SDK1: variants seen among roughly 807,000 people sequenced by gnomAD.
SDK1 encodes the protein sidekick cell adhesion molecule 1.
In SDK1, 157 loss-of-function variants were observed where a neutral mutation model predicts 245.5. The ratio of observed to expected loss-of-function variants is 0.64; its 90% confidence interval spans 0.56 to 0.73. The LOEUF (loss-of-function observed/expected upper bound fraction) is 0.73. SDK1 is among the 30% of genes least tolerant of loss of function. The probability of loss-of-function intolerance (pLI) is 0.00; values close to 1 mark genes in which losing one functional copy is unlikely to be tolerated. For missense variants in SDK1, 3,583 were observed against 3,002.3 expected, an observed-to-expected ratio of 1.19 and a Z score of -4.52; for synonymous variants, 1,647 against 1,278.5, an observed-to-expected ratio of 1.29 and a Z score of -6.15.
chr7:3,609,633 C>G (rs998487210), intron 1 of SDK1, among the ~76,000 whole-genome samples: 8 of 152,094 alleles, frequency 5.3e-5, no homozygotes, highest in Non-Finnish European at 8.8e-5. Flanking sequence ...ATTTCCTGAT[C>G]TTATGATCTG....
chr7:3,740,623 C>G (rs1779452009), intron 4 of SDK1, among the ~76,000 whole-genome samples: 1 of 152,148 alleles, frequency 6.6e-6, no homozygotes. Flanking sequence ...TTTTTCACAG[C>G]TCCTGTAGTT....
chr7:3,422,719 C>G (rs1241164895), intron 1 of SDK1, among the ~76,000 whole-genome samples: 3 of 152,110 alleles, frequency 2.0e-5, no homozygotes, highest in Non-Finnish European at 2.9e-5. Context: ...TCTGGCAACA[C>G]AGGAGTTGGG....
At chr7:3,328,468 A>G (rs573597800) in intron 1 of SDK1, among the ~76,000 whole-genome samples, 10 of 152,066 alleles carry the variant, frequency 6.6e-5, no homozygotes, top group South Asian at 2.1e-4. Context: ...GCAAGACCCA[A>G]ACTTCACACA....
intron 1 of SDK1, among the ~76,000 whole-genome samples, chr7:3,386,835 G>A (rs1781621446): frequency 6.6e-6 from 1 of 152,040 alleles, no homozygotes; most frequent in African/African-American, 2.4e-5. Flanking sequence ...CTTCTTCAAC[G>A]TTTTGGCCCA....
At chr7:3,443,139 C>G (rs73293159) in intron 1 of SDK1, among the ~76,000 whole-genome samples, 3,414 of 150,752 alleles carry the variant, frequency 0.023, 137 homozygotes, top group African/African-American at 0.08. Flanking sequence ...TAAGAGAGTT[C>G]AAGATATTTT....
chr7:3,471,554 A>T (rs1445240835), intron 1 of SDK1, among the ~76,000 whole-genome samples: 1 of 152,164 alleles, frequency 6.6e-6, no homozygotes, highest in Non-Finnish European at 1.5e-5. Context: ...TCGATTCTTC[A>T]CACCATTTAG....
chr7:3,566,989 C>G (rs944429528), intron 1 of SDK1, among the ~76,000 whole-genome samples: 1 of 152,126 alleles, frequency 6.6e-6, no homozygotes. Flanking sequence ...GGCACCTATA[C>G]TGGAGAACAG....
At chr7:3,848,370 C>T (rs1054567082) in intron 5 of SDK1, among the ~76,000 whole-genome samples, 3 of 152,182 alleles carry the variant, frequency 2.0e-5, no homozygotes, top group African/African-American at 7.2e-5. Flanking sequence ...CTTTTCCTGA[C>T]AGTCCTGTCT....
chr7:3,437,327 A>G (rs1780058019), intron 1 of SDK1, among the ~76,000 whole-genome samples: 1 of 152,294 alleles, frequency 6.6e-6, no homozygotes, highest in African/African-American at 2.4e-5. Context: ...AAATCAGTGT[A>G]ATCATTTGTA....
chr7:3,816,008 C>T (rs968654949), intron 4 of SDK1, among the ~76,000 whole-genome samples: 3 of 141,832 alleles, frequency 2.1e-5, no homozygotes, highest in Admixed American at 1.4e-4. Flanking sequence ...GGGTACATAA[C>T]GAAATGAAGG....
chr7:3,530,348 A>G (rs964384799), intron 1 of SDK1, among the ~76,000 whole-genome samples: 60 of 152,160 alleles, frequency 3.9e-4, no homozygotes, highest in African/African-American at 1.4e-3. Context: ...AACATTTTCA[A>G]TGAAAGTTTA....
At chr7:3,791,877 G>T (rs944793968) in intron 4 of SDK1, among the ~76,000 whole-genome samples, 2 of 152,040 alleles carry the variant, frequency 1.3e-5, no homozygotes, top group African/African-American at 4.8e-5. Context: ...TAATCTCAGC[G>T]CTTAGGGAGG....
chr7:3,427,094 A>G (rs1779699160), intron 1 of SDK1, among the ~76,000 whole-genome samples: 2 of 152,178 alleles, frequency 1.3e-5, no homozygotes, highest in Admixed American at 1.3e-4. Flanking sequence ...ACACACAACA[A>G]TCTTAATAAC....
chr7:3,629,154 A>G (rs1044419871), intron 2 of SDK1, among the ~76,000 whole-genome samples: 15 of 151,456 alleles, frequency 9.9e-5, no homozygotes, highest in African/African-American at 3.6e-4. Flanking sequence ...AAAAAAAATT[A>G]GCCGGGCATG....
At chr7:4,224,341 AAG>A (rs1785301750) in intron 40 of SDK1, among the ~76,000 whole-genome samples, 1 of 152,262 alleles carries the variant, frequency 6.6e-6, no homozygotes, top group Non-Finnish European at 1.5e-5. Context: ...TCATGGCAGA[AAG>A]CCAACAGGGA....
At chr7:3,782,160 G>A (rs11505482) in intron 4 of SDK1, among the ~76,000 whole-genome samples, 161 of 152,322 alleles carry the variant, frequency 1.1e-3, no homozygotes, top group African/African-American at 3.8e-3. Flanking sequence ...AGGAAGCATG[G>A]TGCCAGCATG....
chr7:4,100,658 C>G (rs1782475465), intron 22 of SDK1, among the ~76,000 whole-genome samples: 1 of 152,180 alleles, frequency 6.6e-6, no homozygotes, highest in Non-Finnish European at 1.5e-5. Flanking sequence ...CCCACCCAGG[C>G]TGACCCCCTG....
intron 30 of SDK1, among the ~76,000 whole-genome samples, chr7:4,151,924 G>A (rs141473344): frequency 9.3e-4 from 142 of 152,320 alleles, no homozygotes; most frequent in African/African-American, 3.2e-3. Flanking sequence ...CACAGTCCAC[G>A]TCCTACAGTT....
intron 13 of SDK1, among the ~76,000 whole-genome samples, chr7:3,984,234 A>G (rs1315998493): frequency 6.6e-6 from 1 of 152,012 alleles, no homozygotes; most frequent in Non-Finnish European, 1.5e-5. Context: ...TATTCCAGGG[A>G]CTGTGAGAGC....
Sources: gnomAD v4.1 joint callset for allele counts (sites outside exome capture counted in the v4.1 genomes callset) on GRCh38, gnomAD v4.1.1 for gene constraint, MANE v1.5 for transcripts, NCBI Gene and HGNC (gene_info 2026-07-23, HGNC 2026-07-21) for gene names.